SP140: variants seen among roughly 807,000 people sequenced by gnomAD.
SP140 encodes the protein nuclear body protein SP140.
SP140 carries 81 observed loss-of-function variants against 125.0 expected under a neutral mutation model. That is an observed-to-expected ratio of 0.65 (90% CI 0.54 to 0.78). The LOEUF (loss-of-function observed/expected upper bound fraction) is 0.78, where lower values mean the gene tolerates loss of function less well. Among genes scored for constraint, SP140 ranks in the 30% least tolerant of loss-of-function variants. The pLI, the probability that SP140 is intolerant of heterozygous loss-of-function variation, is 0.00. For synonymous variants in SP140, 312 were observed against 354.0 expected (o/e 0.88, Z 1.33); for missense variants, 858 against 1,037.0 (o/e 0.83, Z 2.37).
intron 12 of SP140, among the ~76,000 whole-genome samples, chr2:230,264,380 T>C (rs1475924218): frequency 6.6e-6 from 1 of 152,230 alleles, no homozygotes; most frequent in Non-Finnish European, 1.5e-5. Context: ...TCACTTCTTG[T>C]ATCATATTTT....
At position 230,292,753 on chromosome 2, in the gene SP140, C is replaced by T. The variant is rs199553029; in HGVS notation, c.1933C>T (p.Arg645Cys). The T allele has an allele frequency of 1.9e-5, 31 of 1,614,086 alleles. No individual in the cohort carries two copies. Among genetic ancestry groups the T allele is most frequent in the Middle Eastern group, 3.3e-4 (2 of 6,080 alleles). ...ARSKNWRLSVRCGGWPLRWLM... is the reference protein window; with the variant it reads ...ARSKNWRLSVCCGGWPLRWLM... ...ATCAAAGAACTGGAGGCTGAGTGTG[C>T]GCTGTGGCGGGTGGCCCCTACGATG... The change falls in exon 20 of 27, where the codon CGC becomes TGC. Residue 645 changes from arginine to cysteine, a missense_variant. Transcript: ENST00000392045.
At chr2:230,305,599 G>T (rs2058681844) in intron 22 of SP140, among the ~76,000 whole-genome samples, 1 of 152,260 alleles carries the variant, frequency 6.6e-6, no homozygotes. Flanking sequence ...AGGCAGGGAG[G>T]GGTGAGCAGA....
chr2:230,288,940 G>A (rs1026159107), intron 18 of SP140, among the ~76,000 whole-genome samples: 2 of 152,168 alleles, frequency 1.3e-5, no homozygotes, highest in African/African-American at 4.8e-5. Flanking sequence ...ACGTGTGTGT[G>A]TCTTTATAGT....
chr2:230,200,787 GAA>G, upstream of SP140: 1 of 885,596 alleles, frequency 1.1e-6, no homozygotes, highest in East Asian at 2.7e-5. Context: ...CAGTAATAAT[GAA>G]AAAAAAAAGT....
chr2:230,245,030 C>T lies in SP140; in HGVS notation c.614C>T (p.Ala205Val), dbSNP rs762177937. Residue 205 changes from alanine (A) to valine (V), a missense_variant, in exon 6 of 27, where the codon GCT becomes GTT. By Grantham distance (64) the Ala-to-Val change is moderately conservative. Around this residue, in one of 4 missense-constraint regions of SP140, gnomAD observed 791 missense variants for 869.5 expected, o/e 0.91. Transcript: ENST00000392045. The stretch of plus-strand genomic sequence containing the variant: ...TGTGAGCAGTTAGCTCTCCCAAAGG[C>T]TGGTGGAGGAGATGCTGAAGATGCA... ...ESCEQLALPK[A>V]GGGDAEDAPS... is the part of the protein sequence containing the mutation. The T allele has an allele frequency of 8.7e-6, 14 of 1,613,184 alleles. No homozygotes were observed. In the East Asian group the frequency reaches 3.1e-4, roughly 36 times the overall value.
At chr2:230,222,220 AT>A (rs2045882771), upstream of SP140, among the ~76,000 whole-genome samples, 1 of 147,670 alleles carries the variant, frequency 6.8e-6, no homozygotes, top group South Asian at 2.2e-4. Flanking sequence ...ACAGAGTGAG[AT>A]CCCGCCTCAA....
At chr2:230,311,628 T>C in intron 26 of SP140, 33 bp downstream of exon 26, 1 of 1,581,986 alleles carries the variant, frequency 6.3e-7, no homozygotes, top group South Asian at 1.2e-5. Flanking sequence ...ATTTCATTTC[T>C]TTCCATCCTT....
At chr2:230,241,352 C>G in intron 3 of SP140, 52 bp from the exon 4 acceptor site, 1 of 1,134,106 alleles carries the variant, frequency 8.8e-7, no homozygotes. Flanking sequence ...ACACTGAGGT[C>G]TCTCCTCTGG....
At chr2:230,195,491 G>A in the SP140 span, among the ~76,000 whole-genome samples, 1 of 152,022 alleles carries the variant, frequency 6.6e-6, no homozygotes, top group Admixed American at 6.6e-5. Context: ...TGCACCCCCA[G>A]GCTAACTTTT....
intron 4 of SP140, among the ~76,000 whole-genome samples, 171 bp downstream of exon 4, chr2:230,241,658 A>G (rs1311511480): frequency 1.3e-5 from 2 of 152,136 alleles, no homozygotes; most frequent in East Asian, 1.9e-4. Flanking sequence ...GAGAGAACCA[A>G]TGAAAAAGGA....
At chr2:230,250,486 T>C (rs1235660673) in intron 9 of SP140, among the ~76,000 whole-genome samples, 1 of 152,192 alleles carries the variant, frequency 6.6e-6, no homozygotes, top group Non-Finnish European at 1.5e-5. Flanking sequence ...ACTCTTCTCC[T>C]GATCCCTTTC....
chr2:230,216,712 T>C, intron 3 of SP140: 1 of 1,590,322 alleles, frequency 6.3e-7, no homozygotes, highest in South Asian at 1.1e-5. Context: ...TGGTTTGTGG[T>C]TTGAGACTTT....
chr2:230,276,158 G>A (rs2054679002), intron 15 of SP140, among the ~76,000 whole-genome samples: 1 of 152,170 alleles, frequency 6.6e-6, no homozygotes, highest in African/African-American at 2.4e-5. Context: ...CAGTTTTACA[G>A]TGTAGACTAA....
intron 11 of SP140, among the ~76,000 whole-genome samples, chr2:230,255,148 TGGCAGCAGGAAAGCAG>T (rs2050961194): frequency 6.6e-6 from 1 of 151,920 alleles, no homozygotes; most frequent in African/African-American, 2.4e-5. Flanking sequence ...CTGGAGCCAC[TGGCAGCAGGAAAGCAG>T]GGCAGAGGCC....
intron 12 of SP140, among the ~76,000 whole-genome samples, chr2:230,259,771 C>CAT (rs745848625): frequency 0.26 from 22,179 of 85,514 alleles, 3,301 homozygotes; most frequent in East Asian, 0.36. Context: ...AGTATTCCAT[C>CAT]ATATATATAT....
At chr2:230,298,693 T>C (rs2058001046) in intron 22 of SP140, among the ~76,000 whole-genome samples, 1 of 152,212 alleles carries the variant, frequency 6.6e-6, no homozygotes, top group Non-Finnish European at 1.5e-5. Context: ...AGACTTTGCT[T>C]AGGTTGAATC....
chr2:230,253,597 A>G (rs1026969459), intron 11 of SP140, among the ~76,000 whole-genome samples, 180 bp downstream of exon 11: 1 of 152,168 alleles, frequency 6.6e-6, no homozygotes, highest in African/African-American at 2.4e-5. Flanking sequence ...CAAAGGATCA[A>G]GCTAAGGTGA....
chr2:230,187,685 G>C, the SP140 span, among the ~76,000 whole-genome samples: 4 of 152,064 alleles, frequency 2.6e-5, no homozygotes, highest in Non-Finnish European at 5.9e-5. Context: ...GGGAAATAGG[G>C]ATCCAGTTTT....
intron 20 of SP140, 41 bp from the exon 21 acceptor site, chr2:230,294,230 A>G (rs774484207): frequency 3.8e-6 from 6 of 1,577,546 alleles, no homozygotes; most frequent in Non-Finnish European, 5.2e-6. Flanking sequence ...ACAAAACGGA[A>G]ACACAGGCTG....
Sources: gnomAD v4.1 joint callset for allele counts (sites outside exome capture counted in the v4.1 genomes callset) on GRCh38, gnomAD v4.1.1 for gene constraint, gnomAD v4.1.1 regional missense constraint, MANE v1.5 for transcripts, NCBI Gene and HGNC (gene_info 2026-07-23, HGNC 2026-07-21) for gene names.